Variants in ROBO2 observed in about 807,000 individuals in gnomAD.
The protein encoded by ROBO2 is roundabout guidance receptor 2.
A neutral mutation model predicts 160.8 loss-of-function variants in ROBO2; 53 were observed. That is an observed-to-expected ratio of 0.33 (90% CI 0.26 to 0.41). ROBO2 has a LOEUF of 0.41. ROBO2 is among the 10% of genes least tolerant of loss of function. ROBO2 has a pLI of 1.00. For missense variants in ROBO2, 1,577 were observed against 1,722.4 expected, an observed-to-expected ratio of 0.92 and a Z score of 1.49; for synonymous variants, 664 against 611.7, an observed-to-expected ratio of 1.09 and a Z score of -1.26.
rs143504211 is a variant in ROBO2 at position 77,540,829 on chromosome 3, G to A, written c.935-5509G>A. 7.8e-3 allele frequency among the ~76,000 whole-genome samples: 952 copies of A among 122,828 alleles called. 5 individuals are homozygous for A. Among genetic ancestry groups the A allele is most frequent in the African/African-American group, 0.027 (887 of 33,408 alleles). The allele number at this position is 122,828 out of a possible 152,430, so 80.6% of individuals were successfully genotyped here. ...ATTATGATAGTAGTTGAAACATAAG[G>A]CTTTTCAAATATTAATTGAGATAAT... On this transcript the variant is annotated intron_variant, in intron 6 of 25. Transcript: ENST00000461745.
At chr3:76,472,747 G>A (rs1484581297) in intron 2 of ROBO2, among the ~76,000 whole-genome samples, 2 of 152,142 alleles carry the variant, frequency 1.3e-5, no homozygotes, top group Non-Finnish European at 2.9e-5. Context: ...AAACAAAGAT[G>A]CTTGAAAGGC....
intron 2 of ROBO2, among the ~76,000 whole-genome samples, chr3:77,473,362 T>C (rs948840554): frequency 7.3e-5 from 11 of 151,186 alleles, no homozygotes; most frequent in Non-Finnish European, 8.8e-5. Context: ...TCCCTTTCTA[T>C]CGGCACAGCT....
At chr3:76,814,284 C>A (rs1453657925) in intron 2 of ROBO2, among the ~76,000 whole-genome samples, 3 of 152,048 alleles carry the variant, frequency 2.0e-5, no homozygotes, top group African/African-American at 7.2e-5. Flanking sequence ...ATATTGTGTC[C>A]AGAGATGGTG....
At chr3:77,271,770 A>G (rs1375990473) in intron 2 of ROBO2, among the ~76,000 whole-genome samples, 1 of 152,222 alleles carries the variant, frequency 6.6e-6, no homozygotes, top group Non-Finnish European at 1.5e-5. Flanking sequence ...CTTGTAGTAA[A>G]ATTTGATGCC....
At chr3:75,977,237 G>C (rs72890324) in intron 2 of ROBO2, among the ~76,000 whole-genome samples, 6,521 of 151,528 alleles carry the variant, frequency 0.043, 445 homozygotes, top group African/African-American at 0.14. Context: ...ACACTTGATA[G>C]GTTCTGATAC....
intron 2 of ROBO2, among the ~76,000 whole-genome samples, chr3:76,364,355 C>A (rs769213663): frequency 2.0e-5 from 3 of 151,866 alleles, no homozygotes; most frequent in Non-Finnish European, 4.4e-5. Context: ...ATTCTTTATT[C>A]TTTTTTGTTG....
intron 2 of ROBO2, among the ~76,000 whole-genome samples, chr3:77,338,380 A>G (rs1478244005): frequency 6.6e-6 from 1 of 152,106 alleles, no homozygotes; most frequent in African/African-American, 2.4e-5. Flanking sequence ...AGGAGATCTC[A>G]GACAGGATCA....
At chr3:76,517,902 A>C (rs1307306226) in intron 2 of ROBO2, among the ~76,000 whole-genome samples, 1 of 152,134 alleles carries the variant, frequency 6.6e-6, no homozygotes, top group African/African-American at 2.4e-5. Context: ...TTATCCTTAA[A>C]ATTATATTTT....
chr3:77,288,373 G>A lies in ROBO2; in HGVS notation c.389-189041G>A, dbSNP rs74369251. ...ATGTGTTAAGCCAGCACACTTAAAAGCATACAAGTTTTTGGATAGAAAAGT... is the reference window on the plus strand; with the variant it reads ...ATGTGTTAAGCCAGCACACTTAAAAACATACAAGTTTTTGGATAGAAAAGT... On this transcript the variant is annotated intron_variant, in intron 2 of 25. Coordinates refer to ENST00000461745, the Ensembl canonical transcript of ROBO2. Among the ~76,000 whole-genome samples the A allele has an allele frequency of 4.9e-3, 750 of 152,300 alleles. 5 individuals are homozygous for A. Among genetic ancestry groups the A allele is most frequent in the African/African-American group, 0.017 (719 of 41,568 alleles).
intron 2 of ROBO2, among the ~76,000 whole-genome samples, chr3:76,231,088 C>T (rs1704595540): frequency 1.3e-5 from 2 of 152,154 alleles, no homozygotes; most frequent in African/African-American, 4.8e-5. Context: ...GCTTTCAGAA[C>T]AATGAGATGA....
At chr3:76,205,824 T>G (rs1396162303) in intron 2 of ROBO2, among the ~76,000 whole-genome samples, 1 of 152,146 alleles carries the variant, frequency 6.6e-6, no homozygotes, top group East Asian at 1.9e-4. Context: ...GTTCTGCCTG[T>G]TTTCTAACTT....
intron 2 of ROBO2, among the ~76,000 whole-genome samples, chr3:77,002,022 G>C (rs1222526764): frequency 6.6e-6 from 1 of 152,086 alleles, no homozygotes; most frequent in Non-Finnish European, 1.5e-5. Flanking sequence ...TTATTGGAGA[G>C]AGTATGGTAA....
At position 76,294,920 on chromosome 3, in the gene ROBO2, C is replaced by T. The variant is rs1708992661; in HGVS notation, c.109+357318C>T. Among the ~76,000 whole-genome samples the T allele has an allele frequency of 2.0e-5, 3 of 152,250 alleles. No individual in the cohort carries two copies. In the South Asian group the frequency reaches 6.2e-4, roughly 32 times the overall value. ...AATAGTCTCCAAATGAGTGATTGTG[C>T]CCTTGGTGTCTCTTGTTTACAGGCA... On this transcript the variant is annotated intron_variant, in intron 2 of 26. Transcript: ENST00000487694.
At chr3:76,953,300 G>A (rs13100089) in intron 2 of ROBO2, among the ~76,000 whole-genome samples, 3,218 of 152,158 alleles carry the variant, frequency 0.021, 61 homozygotes, top group Non-Finnish European at 0.036. Flanking sequence ...AAAGATTTAC[G>A]TAATCTATTC....
chr3:76,859,702 C>T (rs2070533272), intron 2 of ROBO2, among the ~76,000 whole-genome samples: 1 of 152,186 alleles, frequency 6.6e-6, no homozygotes, highest in Non-Finnish European at 1.5e-5. Flanking sequence ...CAGCCACAAC[C>T]TCCTGCAGCC....
At chr3:77,274,144 A>T (rs973136507) in intron 2 of ROBO2, among the ~76,000 whole-genome samples, 10 of 152,166 alleles carry the variant, frequency 6.6e-5, no homozygotes, top group African/African-American at 1.9e-4. Context: ...TTTAAACCAA[A>T]ACTAAACACT....
At chr3:77,310,006 TA>T (rs1486025487) in intron 2 of ROBO2, among the ~76,000 whole-genome samples, 2 of 152,146 alleles carry the variant, frequency 1.3e-5, no homozygotes, top group Non-Finnish European at 2.9e-5. Context: ...TTTTTTCCAT[TA>T]AAAAAGTTTA....
At chr3:76,105,368 A>G (rs1303058665) in intron 2 of ROBO2, among the ~76,000 whole-genome samples, 1 of 152,130 alleles carries the variant, frequency 6.6e-6, no homozygotes, top group South Asian at 2.1e-4. Context: ...TGTATACCTA[A>G]TATCCAGCTT....
intron 1 of ROBO2, among the ~76,000 whole-genome samples, chr3:77,069,350 G>T (rs1472797948): frequency 6.6e-6 from 1 of 152,134 alleles, no homozygotes; most frequent in Non-Finnish European, 1.5e-5. Flanking sequence ...CAAAGAAGTC[G>T]ATTGGGATCA....
Sources: allele counts gnomAD v4.1 joint callset (sites outside exome capture counted in the v4.1 genomes callset), GRCh38; gene constraint gnomAD v4.1.1; transcripts MANE v1.5; gene names NCBI Gene and HGNC (gene_info 2026-07-23, HGNC 2026-07-21).